FOXN4: variants seen among roughly 807,000 people sequenced by gnomAD.
The protein encoded by FOXN4 is forkhead box protein N4.
FOXN4 carries 12 observed loss-of-function variants against 45.0 expected under a neutral mutation model. That is an observed-to-expected ratio of 0.27 (90% CI 0.17 to 0.43). The LOEUF (loss-of-function observed/expected upper bound fraction) is 0.43. Ranked by LOEUF, FOXN4 falls within the 20% of genes least tolerant of loss-of-function variation. The probability of loss-of-function intolerance (pLI) is 1.00; values close to 1 mark genes in which losing one functional copy is unlikely to be tolerated. For synonymous variants in FOXN4, 297 were observed against 295.0 expected (o/e 1.01, Z -0.07); for missense variants, 560 against 694.9 (o/e 0.81, Z 2.18).
chr12:109,301,777 G>A (rs951448921), intron 2 of FOXN4, among the ~76,000 whole-genome samples: 4 of 152,218 alleles, frequency 2.6e-5, no homozygotes, highest in Non-Finnish European at 5.9e-5. Context: ...AGGACCAGGA[G>A]GCCCTCTATT....
chr12:109,308,113 T>C (rs1400312747), intron 2 of FOXN4, 123 bp downstream of exon 2: 2 of 820,844 alleles, frequency 2.4e-6, no homozygotes, highest in African/African-American at 1.7e-5. Flanking sequence ...TTTCCAGCTC[T>C]CCCGCAAAAA....
rs1487470727 is a variant in FOXN4 at position 109,290,309 on chromosome 12, C to T, written c.87-23G>A. On this transcript the variant is annotated intron_variant, in intron 2 of 9. Transcript: ENST00000299162. The surrounding 1 kb of genome is among the most constrained non-coding windows in gnomAD (Gnocchi z 5.1). ...AGCCTGCAAAGAGGAACAGAGAACTCGGGCGGGAGGGGGAGCTTAGGCCAG... is the reference window on the plus strand; with the variant it reads ...AGCCTGCAAAGAGGAACAGAGAACTTGGGCGGGAGGGGGAGCTTAGGCCAG... 19 of 1,528,452 alleles carry T rather than the reference C, an allele frequency of 1.2e-5. No individual in the cohort carries two copies. The Admixed American group carries it at 1.4e-4, about 11-fold the overall frequency. The allele number at this position is 1,528,452 out of a possible 1,614,324, so 94.7% of individuals were successfully genotyped here.
Position 109,287,461 on chromosome 12 carries a change from C to T in FOXN4, c.532G>A (p.Val178Met), listed in dbSNP as rs2047723511. The T allele has an allele frequency of 5.8e-6, 9 of 1,551,120 alleles. No homozygotes were observed. The highest frequency in any genetic ancestry group is 2.4e-5 in the East Asian group (1 of 40,930). Residue 178 changes from valine to methionine, a missense_variant, in exon 6 of 10, where the codon GTG (valine) becomes ATG (methionine). Transcript: ENST00000299162. The surrounding 1 kb of genome is among the most constrained non-coding windows in gnomAD (Gnocchi z 4.1). ...AGTTCTTGAGATGAATGCACAGCCA[C>T]GTGGGGCTGGGGGTAGGGGGGCCGC... Reference protein sequence around the residue: ...GVRPPYPQPHVAVHSSQELHP... With the variant: ...GVRPPYPQPHMAVHSSQELHP...
chr12:109,281,819 G>T lies in FOXN4; in HGVS notation c.902-20C>A. 6.5e-7 allele frequency: 1 copy of T among 1,547,454 alleles called. No individual in the cohort carries two copies. ...ACTCCTCTGCAGGCAAGTGGGAGAG[G>T]TCACTCAGAACCCACCCAGCAGTTA... On this transcript the variant is annotated intron_variant, in intron 8 of 9. Coordinates refer to ENST00000299162, the MANE Select transcript of FOXN4 (RefSeq NM_213596.3).
At position 109,287,488 on chromosome 12, in the gene FOXN4, C is replaced by G. The variant is rs534934360; in HGVS notation, c.505G>C (p.Val169Leu). The G allele has an allele frequency of 6.5e-6, 10 of 1,548,484 alleles. No individual in the cohort carries two copies. The highest frequency in any genetic ancestry group is 1.2e-5 in the South Asian group (1 of 83,488). The change falls in exon 6 of 10, where the codon GTG becomes CTG. Residue 169 changes from valine (V) to leucine (L), a missense_variant. By Grantham distance (32) the Val-to-Leu change is conservative. Around this residue, in one of 5 missense-constraint regions of FOXN4, gnomAD observed 61 missense variants for 59.8 expected, o/e 1.02. Transcript: ENST00000299162. The surrounding 1 kb of genome is among the most constrained non-coding windows in gnomAD (Gnocchi z 4.1). ...TGGGGCTGGGGGTAGGGGGGCCGCA[C>G]CCCAAATGGGGGGCCATAGAGGCCC... The part of the protein sequence containing the change: ...PVGLYGPPFG[V>L]RPPYPQPHVA...
In FOXN4 at chr12:109,288,600, C is replaced by T. The variant is rs16940107; in HGVS notation, c.233-420G>A. On this transcript the variant is annotated intron_variant, in intron 3 of 9. Coordinates refer to ENST00000299162, the MANE Select transcript of FOXN4 (RefSeq NM_213596.3). The surrounding 1 kb of genome is among the most constrained non-coding windows in gnomAD (Gnocchi z 4.3). Reference sequence around the variant, plus strand: ...TCTTTTCCTCAAAAACATGCCATGGCTCCCGAGTGCCTCTAGGTTTAGGTC... The same window carrying T: ...TCTTTTCCTCAAAAACATGCCATGGTTCCCGAGTGCCTCTAGGTTTAGGTC... Among the ~76,000 whole-genome samples the T allele has an allele frequency of 5.5e-3, 841 of 152,320 alleles. 6 individuals carry two copies. Among genetic ancestry groups the T allele is most frequent in the African/African-American group, 0.019 (800 of 41,566 alleles).
chr12:109,307,198 C>T (rs1314295798), intron 2 of FOXN4, among the ~76,000 whole-genome samples: 1 of 152,238 alleles, frequency 6.6e-6, no homozygotes. Flanking sequence ...TGCGGTCTGT[C>T]CCAGCAGGCA....
rs1332823534 is a variant in FOXN4 at position 109,291,864 on chromosome 12, CT to C, written c.87-1579del. On this transcript the variant is annotated intron_variant, in intron 2 of 9. Transcript: ENST00000299162. This position sits in a 1 kb window ranked among gnomAD's most constrained non-coding sequence, Gnocchi z 6.6. ...ATTGTGTGACAAACGACTGTTGCCC[CT>C]GTGGCACGTGGCCCCCATTGTCCCA... 1.3e-5 allele frequency among the ~76,000 whole-genome samples: 2 copies of C among 152,170 alleles called. No individual in the cohort carries two copies. The highest frequency in any genetic ancestry group is 2.9e-5 in the Non-Finnish European group (2 of 68,024).
At chr12:109,281,329 CCTCTCCCTCACTCCCTTTGG>C in intron 9 of FOXN4, 58 bp downstream of exon 9, 2 of 1,541,460 alleles carry the variant, frequency 1.3e-6, no homozygotes, top group Non-Finnish European at 1.8e-6. Flanking sequence ...GCAGTACAGT[CCTCTCCCTCACTCCCTTTGG>C]CCCCCGGGCC....
chr12:109,279,458 C>A lies in FOXN4; in HGVS notation c.*213G>T, dbSNP rs1464520887. ...CCTCCATTCTTCTGACTTGGAAGAG[C>A]CCCCAGAAACTGCTCCGGAAGCTCC... On this transcript the variant is annotated 3_prime_UTR_variant, in exon 10 of 10. Coordinates refer to ENST00000299162, the MANE Select transcript of FOXN4 (RefSeq NM_213596.3). The A allele has an allele frequency of 3.0e-6, 2 of 666,428 alleles. No homozygotes were observed. The highest frequency in any genetic ancestry group is 2.8e-5 in the East Asian group (1 of 35,844). The allele number at this position is 666,428 out of a possible 1,614,324, so 41.3% of individuals were successfully genotyped here. A position where few individuals can be genotyped will look rare whatever the true frequency, so the allele number is the denominator to read the frequency against.
intron 2 of FOXN4, among the ~76,000 whole-genome samples, chr12:109,298,340 T>TTG (rs543841746): frequency 0.091 from 12,166 of 134,050 alleles, 664 homozygotes; most frequent in African/African-American, 0.17. Context: ...GGTTTTTTTT[T>TTG]TTTGTTTTTT....
At position 109,287,432 on chromosome 12, in the gene FOXN4, G is replaced by T; in HGVS notation, c.561C>A (p.His187Gln). 6.4e-7 allele frequency: 1 copy of T among 1,551,602 alleles called. No homozygotes were observed. Among genetic ancestry groups the T allele is most frequent in the African/African-American group, 1.4e-5 (1 of 73,166 alleles). ...AGATGGGCTTGGGGTAGTGTTTGGG[G>T]TGCAGTTCTTGAGATGAATGCACAG... ...HVAVHSSQEL[H>Q]PKHYPKPIYS... The change falls in exon 6 of 10, where the codon CAC becomes CAA. Residue 187 changes from histidine to glutamine, a missense_variant. Physicochemically the swap from His to Gln is conservative, Grantham distance 24. This residue lies in a region of FOXN4 where 61 missense variants were observed against 59.8 expected (regional missense o/e 1.02). Transcript: ENST00000299162. This position sits in a 1 kb window ranked among gnomAD's most constrained non-coding sequence, Gnocchi z 4.1.
Position 109,281,687 on chromosome 12 carries a change from A to G in FOXN4, c.1014T>C (p.His338=). 6.2e-7 allele frequency: 1 copy of G among 1,610,640 alleles called. No individual in the cohort carries two copies. Among genetic ancestry groups the G allele is most frequent in the Non-Finnish European group, 8.5e-7 (1 of 1,178,888 alleles). The change falls in exon 9 of 10, where the codon CAT becomes CAC. Residue 338 remains histidine, a synonymous_variant. Transcript: ENST00000299162. ...GGAGCTGGGAGACAGCCAGGCAGCC[A>G]TGCGCCACGGCCACTGTGGTGGCGT... ...LTHATTVAVA[H]GCLAVSQLPP...
At chr12:109,299,615 C>A (rs1302429909) in intron 2 of FOXN4, among the ~76,000 whole-genome samples, 1 of 152,184 alleles carries the variant, frequency 6.6e-6, no homozygotes, top group Non-Finnish European at 1.5e-5. Flanking sequence ...GGCAGTCCCC[C>A]CTCTGCCAGG....
intron 2 of FOXN4, among the ~76,000 whole-genome samples, chr12:109,295,863 T>C (rs1157958148): frequency 1.3e-5 from 2 of 152,180 alleles, no homozygotes; most frequent in Non-Finnish European, 2.9e-5. Flanking sequence ...TTCTCTCTTC[T>C]TCTGTGTCTG....
rs140365434 is a variant in FOXN4, at chr12:109,291,626, G to A, written c.87-1340C>T. 3.5e-3 allele frequency among the ~76,000 whole-genome samples: 539 copies of A among 151,966 alleles called. 6 individuals carry two copies. The highest frequency in any genetic ancestry group is 0.012 in the African/African-American group (505 of 41,458). Reference sequence around the variant, plus strand: ...CTCCTCCCCATCTCTCCCCTCTTGTGTTTTAGGGCCACAATTAGCGTTGCC... The same window carrying A: ...CTCCTCCCCATCTCTCCCCTCTTGTATTTTAGGGCCACAATTAGCGTTGCC... On this transcript the variant is annotated intron_variant, in intron 2 of 9. Coordinates refer to ENST00000299162, the MANE Select transcript of FOXN4 (RefSeq NM_213596.3). The surrounding 1 kb of genome is among the most constrained non-coding windows in gnomAD (Gnocchi z 6.6).
chr12:109,308,464 T>C, intron 1 of FOXN4, 140 bp from the exon 2 acceptor site: 1 of 548,940 alleles, frequency 1.8e-6, no homozygotes, highest in Non-Finnish European at 3.2e-6. Context: ...AAGAAAAAAG[T>C]TCTAGAGGAT....
chr12:109,280,389 G>C (rs2047641797), intron 9 of FOXN4, among the ~76,000 whole-genome samples: 2 of 147,786 alleles, frequency 1.4e-5, no homozygotes, highest in South Asian at 4.3e-4. Context: ...CAGAGTCGCA[G>C]CAGCCCCGGG....
In FOXN4 at chr12:109,288,632, A is replaced by G. The variant is rs903742381; in HGVS notation, c.233-452T>C. On this transcript the variant is annotated intron_variant, in intron 3 of 9. Coordinates refer to ENST00000299162, the MANE Select transcript of FOXN4 (RefSeq NM_213596.3). The surrounding 1 kb of genome is among the most constrained non-coding windows in gnomAD (Gnocchi z 4.3). ...GTGCCTCTAGGTTTAGGTCCAAAGT[A>G]CCTTTGTGCCTCCTCTCCCCTTTGC... is the stretch of plus-strand genomic sequence containing the variant. Among the ~76,000 whole-genome samples the G allele has an allele frequency of 5.9e-5, 9 of 152,174 alleles. No homozygotes were observed. Among genetic ancestry groups the G allele is most frequent in the Non-Finnish European group, 1.2e-4 (8 of 68,024 alleles).
Sources: gnomAD v4.1 joint callset for allele counts (sites outside exome capture counted in the v4.1 genomes callset) on GRCh38, gnomAD v4.1.1 for gene constraint, gnomAD v4.1.1 regional missense constraint, Gnocchi (gnomAD v3.1) non-coding constraint, MANE v1.5 for transcripts, NCBI Gene and HGNC (gene_info 2026-07-23, HGNC 2026-07-21) for gene names.